The following MICALL1 variants were observed in gnomAD, a reference collection of about 807,000 sequenced individuals.
MICALL1 encodes the protein MICAL like 1.
A neutral mutation model predicts 83.7 loss-of-function variants in MICALL1; 61 were observed. The ratio of observed to expected loss-of-function variants is 0.73; its 90% confidence interval spans 0.59 to 0.90. The LOEUF (loss-of-function observed/expected upper bound fraction) is 0.90. MICALL1 is among the 40% of genes least tolerant of loss of function. The pLI is 0.00. For missense variants in MICALL1, 1,066 were observed against 1,152.0 expected (o/e 0.93, Z 1.08); for synonymous variants, 481 against 473.6 (o/e 1.02, Z -0.20).
chr22:37,934,000 A>C lies in MICALL1; in HGVS notation c.2308+888A>C, dbSNP rs574844286. ...GGAGTGTCCCAGGGGAAGCCACAGAATGTCCCAGGCTTCCACTGCCTTGTG... is the reference window on the plus strand; with the variant it reads ...GGAGTGTCCCAGGGGAAGCCACAGACTGTCCCAGGCTTCCACTGCCTTGTG... On this transcript the variant is annotated intron_variant, in intron 13 of 15. Coordinates refer to ENST00000215957, the MANE Select transcript of MICALL1 (RefSeq NM_033386.4). 2.0e-5 allele frequency among the ~76,000 whole-genome samples: 3 copies of C among 152,312 alleles called. No homozygotes were observed. The East Asian group carries it at 5.8e-4, about 29-fold the overall frequency.
rs141637658 is a variant in MICALL1, at chr22:37,935,001, G to A, written c.2308+1889G>A. On this transcript the variant is annotated intron_variant, in intron 13 of 15. Coordinates refer to ENST00000215957, the MANE Select transcript of MICALL1 (RefSeq NM_033386.4). ...GGCTGGAGGGCAGTGGCACAATCTC[G>A]GCTCACTGCAAGCTCCGCCTCCCCA... is the stretch of plus-strand genomic sequence containing the variant. Among the ~76,000 whole-genome samples, 1,322 of 150,014 alleles carry A rather than the reference G, an allele frequency of 8.8e-3. 24 individuals carry two copies. Among genetic ancestry groups the A allele is most frequent in the African/African-American group, 0.031 (1,277 of 40,864 alleles).
chr22:37,910,664 C>T (rs5995515), intron 1 of MICALL1, among the ~76,000 whole-genome samples: 13,872 of 152,182 alleles, frequency 0.091, 1,416 homozygotes, highest in African/African-American at 0.25. Context: ...CACCAGACCC[C>T]TTCCAAGGTC....
Position 37,940,821 on chromosome 22 carries a change from C to CA in MICALL1, c.2585dup (p.Ser863GlufsTer24), listed in dbSNP as rs1569152572. Reference sequence around the variant, plus strand: ...ATGCCAAGAGCAAGTCCCCCAGAGACAAGAGCTAACAGCACGAGAAGCCAG... The same window carrying CA: ...ATGCCAAGAGCAAGTCCCCCAGAGACAAAGAGCTAACAGCACGAGAAGCCAG... On this transcript the variant is annotated frameshift_variant, in exon 16 of 16. Transcript: ENST00000215957. LOFTEE classifies it high-confidence loss of function. The CA allele has an allele frequency of 6.2e-7, 1 of 1,613,930 alleles. No individual in the cohort carries two copies. The highest frequency in any genetic ancestry group is 8.5e-7 in the Non-Finnish European group (1 of 1,179,870).
intron 3 of MICALL1, among the ~76,000 whole-genome samples, chr22:37,916,134 C>T (rs957242376): frequency 6.6e-6 from 1 of 152,150 alleles, no homozygotes; most frequent in Non-Finnish European, 1.5e-5. Context: ...GCAGCTCATT[C>T]GTTGGCCCTC....
In MICALL1 at chr22:37,940,864, C is replaced by G; in HGVS notation, c.*34C>G. On this transcript the variant is annotated 3_prime_UTR_variant, in exon 16 of 16. Coordinates refer to ENST00000215957, the MANE Select transcript of MICALL1 (RefSeq NM_033386.4). Reference sequence around the variant, plus strand: ...GAAGCCAGTTGGGGACTGCCCCCTCCTGGAGCAGCTCCTGGGCTGTGCTCT... The same window carrying G: ...GAAGCCAGTTGGGGACTGCCCCCTCGTGGAGCAGCTCCTGGGCTGTGCTCT... The G allele has an allele frequency of 6.2e-7, 1 of 1,611,688 alleles. No homozygotes were observed. Among genetic ancestry groups the G allele is most frequent in the Non-Finnish European group, 8.5e-7 (1 of 1,178,516 alleles).
chr22:37,938,894 T>C (rs887741736), intron 15 of MICALL1, among the ~76,000 whole-genome samples: 47 of 152,134 alleles, frequency 3.1e-4, no homozygotes, highest in Non-Finnish European at 7.4e-5. Flanking sequence ...ATTATAGGTG[T>C]GAGCCACTGC....
At chr22:37,940,283 C>T (rs993775496) in intron 15 of MICALL1, among the ~76,000 whole-genome samples, 7 of 150,340 alleles carry the variant, frequency 4.7e-5, no homozygotes, top group African/African-American at 1.2e-4. Flanking sequence ...TTAGCCGGGG[C>T]GTGGTGGCAC....
chr22:37,933,775 C>T (rs1366320221), intron 13 of MICALL1, among the ~76,000 whole-genome samples: 1 of 152,210 alleles, frequency 6.6e-6, no homozygotes, highest in Non-Finnish European at 1.5e-5. Flanking sequence ...ATGGCTCAGG[C>T]ATGGTGCCAG....
chr22:37,920,749 G>A (rs1928979285), intron 5 of MICALL1, among the ~76,000 whole-genome samples: 1 of 151,868 alleles, frequency 6.6e-6, no homozygotes, highest in Non-Finnish European at 1.5e-5. Context: ...GTGAAACCCC[G>A]TCTCTACTAA....
rs1385378431 is a variant in MICALL1, at chr22:37,927,650, C to G, written c.1705C>G (p.Pro569Ala). Residue 569 changes from proline to alanine, a missense_variant, in exon 9 of 16, where the codon CCT becomes GCT. Physicochemically the swap from Pro to Ala is conservative, Grantham distance 27. Coordinates refer to ENST00000215957, the MANE Select transcript of MICALL1 (RefSeq NM_033386.4). ...GGCCTCCTCTGGGGAACTAGTGGAGCCTAGAGTGGAACAAATGCCTCAAGC... is the reference window on the plus strand; with the variant it reads ...GGCCTCCTCTGGGGAACTAGTGGAGGCTAGAGTGGAACAAATGCCTCAAGC... Reference protein sequence around the residue: ...SLASSGELVEPRVEQMPQASP... With the variant: ...SLASSGELVEARVEQMPQASP... The G allele has an allele frequency of 6.2e-6, 10 of 1,614,180 alleles. No homozygotes were observed. The highest frequency in any genetic ancestry group is 7.6e-6 in the Non-Finnish European group (9 of 1,180,030).
intron 8 of MICALL1, chr22:37,926,672 C>T (rs984493983): frequency 6.5e-6 from 1 of 152,994 alleles, no homozygotes; most frequent in African/African-American, 2.4e-5. Context: ...TGGCCCTAAC[C>T]TTCACCATGG....
rs1930460758 is a variant in MICALL1, at chr22:37,941,955, CT to C, written c.*1126del. 6.6e-6 allele frequency: 1 copy of C among 152,272 alleles called. No individual in the cohort carries two copies. The highest frequency in any genetic ancestry group is 1.5e-5 in the Non-Finnish European group (1 of 68,068). 9.4% of individuals were successfully genotyped at this position (152,272 alleles called of 1,614,324 possible). ...TACACACCTCTGGGAAAAGATTACA[CT>C]GTATTAACTCTCGAGGAGTTTCCTC... On this transcript the variant is annotated 3_prime_UTR_variant, in exon 16 of 16. Transcript: ENST00000215957.
rs771066858 is a variant in MICALL1, at chr22:37,924,709, G to A, written c.1074G>A (p.Pro358=). ...CCAAGCCGAGGGGGACACCGAAGCC[G>A]TCCGAGGGGTATGTCGATCCCTGAG... ...PVPKPRGTPK[P]SEGTPAPRKD... The change falls in exon 7 of 16, where the codon CCG becomes CCA. Residue 358 remains proline, a synonymous_variant. Coordinates refer to ENST00000215957, the MANE Select transcript of MICALL1 (RefSeq NM_033386.4). This position sits in a 1 kb window ranked among gnomAD's most constrained non-coding sequence, Gnocchi z 5.2. 56 of 1,612,152 alleles carry A rather than the reference G, an allele frequency of 3.5e-5. No homozygotes were observed. Among genetic ancestry groups the A allele is most frequent in the Non-Finnish European group, 4.2e-5 (50 of 1,179,038 alleles).
rs764033718 is a variant in MICALL1, at chr22:37,927,433, G to A, written c.1488G>A (p.Ser496=). 17 of 1,590,266 alleles carry A rather than the reference G, an allele frequency of 1.1e-5. No individual in the cohort carries two copies. Among genetic ancestry groups the A allele is most frequent in the South Asian group, 3.3e-5 (3 of 90,626 alleles). The change falls in exon 9 of 16, where the codon TCG becomes TCA. Residue 496 remains serine (S), a synonymous_variant. Coordinates refer to ENST00000215957, the MANE Select transcript of MICALL1 (RefSeq NM_033386.4). ...CAGCTCTCCACGCCTCCCGCCTCTC[G>A]CACTCGGAGCCGCCCTCGGCCACAC... ...SPLALHASRL[S]HSEPPSATPS...
Position 37,922,094 on chromosome 22 carries a change from C to T in MICALL1, c.692C>T (p.Pro231Leu). Residue 231 changes from proline to leucine, a missense_variant, in exon 6 of 16, where the codon CCT becomes CTT. Coordinates refer to ENST00000215957, the MANE Select transcript of MICALL1 (RefSeq NM_033386.4). ...CCGGGGACACGGTCGGGGACCAGGC[C>T]TGGGCCCTTCTCACAGCCAAAGCAG... The part of the protein sequence containing the change: ...LGPGTRSGTR[P>L]GPFSQPKQQH... The T allele has an allele frequency of 6.2e-7, 1 of 1,613,396 alleles. No individual in the cohort carries two copies. The highest frequency in any genetic ancestry group is 8.5e-7 in the Non-Finnish European group (1 of 1,180,014).
intron 1 of MICALL1, among the ~76,000 whole-genome samples, chr22:37,907,800 CA>C (rs1928059887): frequency 6.6e-6 from 1 of 152,154 alleles, no homozygotes; most frequent in Non-Finnish European, 1.5e-5. Flanking sequence ...CAGAAGGGAA[CA>C]AGATGAGGTG....
intron 3 of MICALL1, among the ~76,000 whole-genome samples, chr22:37,915,238 C>T (rs895565017): frequency 5.3e-5 from 8 of 151,950 alleles, no homozygotes; most frequent in African/African-American, 1.5e-4. Flanking sequence ...GGCAACAGAG[C>T]GAGACCCCAT....
At chr22:37,934,085 C>T (rs767060117) in intron 13 of MICALL1, among the ~76,000 whole-genome samples, 1 of 152,246 alleles carries the variant, frequency 6.6e-6, no homozygotes, top group African/African-American at 2.4e-5. Context: ...GCCACAGCGG[C>T]GCCCTGTGGC....
chr22:37,927,284 T>C (rs1345011562), intron 8 of MICALL1, 127 bp from the exon 9 acceptor site: 2 of 1,138,010 alleles, frequency 1.8e-6, no homozygotes, highest in Non-Finnish European at 2.4e-6. Context: ...GCCTTGGCCC[T>C]GTCTCGATGT....
Sources: gnomAD v4.1 joint callset for allele counts (sites outside exome capture counted in the v4.1 genomes callset) on GRCh38, gnomAD v4.1.1 for gene constraint, Gnocchi (gnomAD v3.1) non-coding constraint, MANE v1.5 for transcripts, NCBI Gene and HGNC (gene_info 2026-07-23, HGNC 2026-07-21) for gene names.